Variants in PRKCH observed in about 807,000 individuals in gnomAD.
PRKCH encodes protein kinase C eta, also known as protein kinase C eta type.
A neutral mutation model predicts 82.5 loss-of-function variants in PRKCH; 28 were observed. That is an observed-to-expected ratio of 0.34 (90% confidence interval 0.25 to 0.47). PRKCH has a LOEUF of 0.47. PRKCH is among the 20% of genes least tolerant of loss of function. PRKCH has a pLI of 1.00. For synonymous variants in PRKCH, 322 were observed against 327.4 expected, an observed-to-expected ratio of 0.98 and a Z score of 0.18; for missense variants, 705 against 881.8, an observed-to-expected ratio of 0.80 and a Z score of 2.54.
intron 1 of PRKCH, chr14:61,303,557 A>G (rs1185794622): frequency 1.3e-5 from 2 of 151,874 alleles, no homozygotes; most frequent in Admixed American, 6.6e-5. Context: ...TTTACTTTCA[A>G]CCTATCTGGA....
At position 61,464,921 on chromosome 14, in the gene PRKCH, G is replaced by A. The variant is rs1885187929; in HGVS notation, c.1278+7242G>A. On this transcript the variant is annotated intron_variant, in intron 9 of 13. Transcript: ENST00000332981. The stretch of plus-strand genomic sequence containing the variant: ...ATATACCCAGTAATGGGATTGCTGG[G>A]TCAAATGGTATTTCTGGTTCTAGAT... 2.0e-5 allele frequency among the ~76,000 whole-genome samples: 3 copies of A among 152,164 alleles called. No homozygotes were observed. In the South Asian group the frequency reaches 6.2e-4, roughly 31 times the overall value.
chr14:61,545,264 A>C (rs573021488), intron 12 of PRKCH: 38 of 152,132 alleles, frequency 2.5e-4, no homozygotes, highest in African/African-American at 9.2e-4. Flanking sequence ...GTCAAATGCC[A>C]CCTCTTCCAC....
At chr14:61,240,619 G>T (rs148772612) in intron 1 of PRKCH, among the ~76,000 whole-genome samples, 397 of 151,906 alleles carry the variant, frequency 2.6e-3, no homozygotes, top group African/African-American at 8.8e-3. Context: ...TGGTTCGGGG[G>T]TTGCTCTTTA....
chr14:61,480,276 T>A (rs1394352600), intron 9 of PRKCH, among the ~76,000 whole-genome samples: 1 of 152,200 alleles, frequency 6.6e-6, no homozygotes, highest in Non-Finnish European at 1.5e-5. Context: ...ACAACCATAA[T>A]CCATCTTCCA....
At chr14:61,477,888 C>T (rs1285309605) in intron 9 of PRKCH, among the ~76,000 whole-genome samples, 1 of 152,176 alleles carries the variant, frequency 6.6e-6, no homozygotes, top group African/African-American at 2.4e-5. Flanking sequence ...GGAGCTGCTG[C>T]AGTTGCTGTT....
At chr14:61,547,442 T>C (rs190258548) in intron 12 of PRKCH, among the ~76,000 whole-genome samples, 172 of 152,312 alleles carry the variant, frequency 1.1e-3, no homozygotes, top group African/African-American at 4.0e-3. Flanking sequence ...AGAGCTTCTT[T>C]TCTTTAAAGA....
At chr14:61,227,965 T>C (rs2044710920) in intron 1 of PRKCH, among the ~76,000 whole-genome samples, 1 of 152,204 alleles carries the variant, frequency 6.6e-6, no homozygotes, top group Non-Finnish European at 1.5e-5. Context: ...AAACTTTTCT[T>C]AACCCTCCCT....
At chr14:61,219,653 A>G (rs1445037034) in intron 1 of PRKCH, among the ~76,000 whole-genome samples, 1 of 152,242 alleles carries the variant, frequency 6.6e-6, no homozygotes, top group African/African-American at 2.4e-5. Context: ...TTAACCTACT[A>G]GTTATATTAC....
Position 61,348,224 on chromosome 14 carries a change from G to T in PRKCH, c.363+25760G>T, listed in dbSNP as rs1006776311. Among the ~76,000 whole-genome samples the T allele has an allele frequency of 9.9e-5, 15 of 152,278 alleles. No individual in the cohort carries two copies. The East Asian group carries it at 2.9e-3, about 29-fold the overall frequency. On this transcript the variant is annotated intron_variant, in intron 1 of 13. Transcript: ENST00000332981. ...GGTCTGTCACAGCCAGAGAGCAGGG[G>T]GCCAGAGAGAGGACTGATTGCCCAT...
At chr14:61,423,633 G>C (rs1448209583) in intron 2 of PRKCH, among the ~76,000 whole-genome samples, 1 of 152,158 alleles carries the variant, frequency 6.6e-6, no homozygotes, top group Non-Finnish European at 1.5e-5. Context: ...TGAATGGTGA[G>C]GGCATCAGTT....
At chr14:61,290,600 A>G (rs1042229421) in intron 1 of PRKCH, among the ~76,000 whole-genome samples, 13 of 152,190 alleles carry the variant, frequency 8.5e-5, no homozygotes, top group African/African-American at 1.9e-4. Flanking sequence ...CCAACATCCC[A>G]TTCTCCTATC....
chr14:61,513,640 T>C (rs951988094), intron 10 of PRKCH, among the ~76,000 whole-genome samples: 1 of 152,120 alleles, frequency 6.6e-6, no homozygotes, highest in Non-Finnish European at 1.5e-5. Context: ...AAAAATGAAA[T>C]TTCCAAATAC....
chr14:61,494,229 A>G (rs1311228245), intron 10 of PRKCH, among the ~76,000 whole-genome samples: 2 of 152,176 alleles, frequency 1.3e-5, no homozygotes, highest in Admixed American at 1.3e-4. Flanking sequence ...AGTCTCTTAA[A>G]TGGAACAGTG....
At chr14:61,436,746 G>A (rs1015988709) in intron 2 of PRKCH, among the ~76,000 whole-genome samples, 4 of 152,126 alleles carry the variant, frequency 2.6e-5, no homozygotes, top group South Asian at 2.1e-4. Flanking sequence ...TTGGCCAGAC[G>A]GTCTTGAACT....
At chr14:61,453,094 A>T in intron 6 of PRKCH, 132 bp from the exon 7 acceptor site, 1 of 1,152,410 alleles carries the variant, frequency 8.7e-7, no homozygotes. Context: ...GCTTAATTTT[A>T]TGAGAAAATG....
chr14:61,386,415 G>T (rs535639982), intron 1 of PRKCH, among the ~76,000 whole-genome samples: 11 of 152,298 alleles, frequency 7.2e-5, no homozygotes, highest in African/African-American at 2.2e-4. Context: ...CTAGAAGCCC[G>T]TTCAGGGAGG....
chr14:61,330,792 T>A (rs1489514076), intron 1 of PRKCH, among the ~76,000 whole-genome samples: 1 of 152,188 alleles, frequency 6.6e-6, no homozygotes, highest in Non-Finnish European at 1.5e-5. Context: ...ACACTATAGC[T>A]CAAGCCTTTG....
At chr14:61,397,084 A>G (rs1224983935) in intron 2 of PRKCH, among the ~76,000 whole-genome samples, 1 of 152,200 alleles carries the variant, frequency 6.6e-6, no homozygotes, top group Non-Finnish European at 1.5e-5. Context: ...GAGAACCATT[A>G]TAGAGACTTG....
At chr14:61,368,927 A>G (rs1370520575) in intron 1 of PRKCH, among the ~76,000 whole-genome samples, 1 of 152,080 alleles carries the variant, frequency 6.6e-6, no homozygotes, top group Non-Finnish European at 1.5e-5. Flanking sequence ...CTTATTCAGA[A>G]AGATGTGGAA....
Sources: gnomAD v4.1 joint callset for allele counts (sites outside exome capture counted in the v4.1 genomes callset) on GRCh38, gnomAD v4.1.1 for gene constraint, MANE v1.5 for transcripts, NCBI Gene and HGNC (gene_info 2026-07-23, HGNC 2026-07-21) for gene names.